TET3: variants seen among roughly 807,000 people sequenced by gnomAD.
TET3 encodes the protein tet methylcytosine dioxygenase 3, also known as methylcytosine dioxygenase TET3.
Under a neutral mutation model 141.4 loss-of-function variants are expected in TET3, and 19 were observed. The observed-to-expected ratio is 0.13, with a 90% CI of 0.09 to 0.20. TET3 has a LOEUF of 0.20. Ranked by LOEUF, TET3 falls within the 10% of genes least tolerant of loss-of-function variation. The probability of loss-of-function intolerance (pLI) is 1.00; values close to 1 mark genes in which losing one functional copy is unlikely to be tolerated. For missense variants in TET3, 1,874 were observed against 2,356.9 expected (o/e 0.80, Z 4.24); for synonymous variants, 1,043 against 980.9 (o/e 1.06, Z -1.18).
the TET3 span, among the ~76,000 whole-genome samples, chr2:74,115,887 T>C: frequency 1.3e-5 from 2 of 151,716 alleles, no homozygotes; most frequent in African/African-American, 4.8e-5. Flanking sequence ...TGGTGGCACA[T>C]GCCTGTGGTA....
In TET3 at chr2:74,100,777, C is replaced by T. The variant is rs376905154; in HGVS notation, c.3989C>T (p.Pro1330Leu). Residue 1330 changes from proline (P) to leucine (L), a missense_variant, in exon 12 of 12, where the codon CCG becomes CTG. Physicochemically the swap from Pro to Leu is moderately conservative, Grantham distance 98. Coordinates refer to ENST00000409262, the MANE Select transcript of TET3 (RefSeq NM_001287491.2). The part of the protein sequence containing the change: ...DLHALHNSLS[P>L]AYGGAEFAEL... ...CACGCTCTGCACAACAGCCTGAGCC[C>T]GGCCTACGGTGGTGCTGAGTTTGCC... 1.2e-5 allele frequency: 20 copies of T among 1,613,018 alleles called. 1 individual carries two copies. Among genetic ancestry groups the T allele is most frequent in the Middle Eastern group, 3.3e-4 (2 of 6,084 alleles).
At chr2:74,060,226 C>T (rs1161963095) in intron 4 of TET3, among the ~76,000 whole-genome samples, 5 of 152,174 alleles carry the variant, frequency 3.3e-5, no homozygotes, top group African/African-American at 1.2e-4. Context: ...ATTTGAATTT[C>T]CCTGATGCCT....
intron 3 of TET3, among the ~76,000 whole-genome samples, chr2:74,033,821 C>A (rs76109529): frequency 0.013 from 1,925 of 152,280 alleles, 41 homozygotes; most frequent in African/African-American, 0.044. Context: ...TGTGGCTGGG[C>A]ACGGTGGCTC....
chr2:74,036,741 G>A (rs1357303326), intron 3 of TET3, among the ~76,000 whole-genome samples: 3 of 152,230 alleles, frequency 2.0e-5, no homozygotes, highest in Non-Finnish European at 4.4e-5. Flanking sequence ...TTCCATCAGA[G>A]TCACGTAGAG....
rs566217278 is a variant in TET3, at chr2:73,984,921, A to C, written c.-661A>C. On this transcript the variant is annotated 5_prime_UTR_variant, in exon 1 of 12. Transcript: ENST00000409262. This position sits in a 1 kb window ranked among gnomAD's most constrained non-coding sequence, Gnocchi z 5.6. ...GCGCGGGGGGCGGGGAGTCCCGCGG[A>C]CGCCTTCATTGCTGCTGCTGCTGCC... Among the ~76,000 whole-genome samples the C allele has an allele frequency of 6.9e-6, 1 of 144,344 alleles. No homozygotes were observed. The highest frequency in any genetic ancestry group is 2.1e-4 in the East Asian group (1 of 4,802). The allele number at this position is 144,344 out of a possible 152,430, so 94.7% of individuals were successfully genotyped here.
At chr2:74,019,818 A>T (rs1447294482) in intron 3 of TET3, among the ~76,000 whole-genome samples, 1 of 152,200 alleles carries the variant, frequency 6.6e-6, no homozygotes, top group African/African-American at 2.4e-5. Context: ...TGCAGACATC[A>T]GGGAGGAGCC....
At chr2:74,018,469 T>TTCTAACA (rs1211857393) in intron 3 of TET3, among the ~76,000 whole-genome samples, 8 of 152,210 alleles carry the variant, frequency 5.3e-5, no homozygotes, top group African/African-American at 1.9e-4. Flanking sequence ...ATGTTCAGAT[T>TTCTAACA]TCTAAGGTGA....
chr2:74,024,611 G>A (rs188645079), intron 3 of TET3, among the ~76,000 whole-genome samples: 1 of 152,082 alleles, frequency 6.6e-6, no homozygotes, highest in Admixed American at 6.6e-5. Context: ...TTAAGTCAGA[G>A]AACTTGAGTT....
chr2:74,061,720 A>G (rs1444210186), intron 4 of TET3, among the ~76,000 whole-genome samples: 1 of 134,868 alleles, frequency 7.4e-6, no homozygotes, highest in Non-Finnish European at 1.6e-5. Flanking sequence ...TGCCGGGCGG[A>G]GGGGCTCCTC....
intron 3 of TET3, among the ~76,000 whole-genome samples, chr2:74,007,901 G>A (rs570825836): frequency 2.6e-5 from 4 of 152,284 alleles, no homozygotes; most frequent in African/African-American, 4.8e-5. Context: ...GCTGCTGCAC[G>A]TGTGGCTCAG....
the TET3 span, among the ~76,000 whole-genome samples, chr2:74,125,019 T>C: frequency 6.6e-6 from 1 of 151,682 alleles, no homozygotes; most frequent in Non-Finnish European, 1.5e-5. Flanking sequence ...TTTTCTTTTT[T>C]TTTTTGAGAT....
intron 3 of TET3, among the ~76,000 whole-genome samples, chr2:74,004,331 C>T (rs1685038185): frequency 6.6e-6 from 1 of 152,170 alleles, no homozygotes; most frequent in African/African-American, 2.4e-5. Context: ...TCTTCCCGCC[C>T]CCTGGGAAAG....
chr2:74,122,670 C>T, the TET3 span, among the ~76,000 whole-genome samples: 2,183 of 134,386 alleles, frequency 0.016, 26 homozygotes, highest in Middle Eastern at 0.038. Context: ...TGTGCCACTA[C>T]ACCTAGCTTT....
At chr2:74,018,604 A>T (rs1685859307) in intron 3 of TET3, among the ~76,000 whole-genome samples, 1 of 152,128 alleles carries the variant, frequency 6.6e-6, no homozygotes, top group Admixed American at 6.5e-5. Flanking sequence ...TACCTTAAGC[A>T]TTTCATAAGT....
chr2:74,064,541 A>G (rs1688771346), intron 4 of TET3, among the ~76,000 whole-genome samples: 1 of 152,152 alleles, frequency 6.6e-6, no homozygotes, highest in South Asian at 2.1e-4. Flanking sequence ...CTGGGACTAC[A>G]GGCGTGCGTG....
At position 74,046,677 on chromosome 2, in the gene TET3, G is replaced by C. The variant is rs748489591; in HGVS notation, c.760G>C (p.Asp254His). ...EGCSAGSEDLDTLQTALALAR... is the reference protein window; with the variant it reads ...EGCSAGSEDLHTLQTALALAR... ...CTGCTCTGCTGGCAGCGAAGACCTT[G>C]ACACACTGCAGACGGCCCTGGCCCT... Residue 254 changes from aspartate to histidine, a missense_variant, in exon 4 of 12, where the codon GAC becomes CAC. Asp to His is a moderately conservative substitution (Grantham distance 81, BLOSUM62 -1). Transcript: ENST00000409262. This position sits in a 1 kb window ranked among gnomAD's most constrained non-coding sequence, Gnocchi z 4.3. The C allele has an allele frequency of 1.1e-5, 18 of 1,613,922 alleles. No individual in the cohort carries two copies. The African/African-American group carries it at 2.4e-4, about 22-fold the overall frequency.
At chr2:74,099,806 T>A (rs904660460) in intron 11 of TET3, among the ~76,000 whole-genome samples, 194 bp downstream of exon 11, 6 of 152,172 alleles carry the variant, frequency 3.9e-5, no homozygotes, top group African/African-American at 1.4e-4. Flanking sequence ...GGACTTGTTA[T>A]CTGCGTGGAA....
At chr2:74,059,309 G>C (rs1573813830) in intron 4 of TET3, among the ~76,000 whole-genome samples, 1 of 152,198 alleles carries the variant, frequency 6.6e-6, no homozygotes, top group East Asian at 1.9e-4. Context: ...CTGGAACATA[G>C]TGATGCAATA....
rs1243690867 is a variant in TET3, at chr2:73,991,848, C to CA, written c.303+5143dup. Among the ~76,000 whole-genome samples, 4 of 141,360 alleles carry CA rather than the reference C, an allele frequency of 2.8e-5. No homozygotes were observed. In the Admixed American group the frequency reaches 2.9e-4, roughly 10 times the overall value. 92.7% of individuals were successfully genotyped at this position (141,360 alleles called of 152,430 possible). ...AAAAAAGAAGGAAACGCTGATAGAA[C>CA]AGTCATGAATGATAGCTTCAGGAGA... On this transcript the variant is annotated intron_variant, in intron 2 of 11. Coordinates refer to ENST00000409262, the MANE Select transcript of TET3 (RefSeq NM_001287491.2).
Sources: allele counts gnomAD v4.1 joint callset (sites outside exome capture counted in the v4.1 genomes callset), GRCh38; gene constraint gnomAD v4.1.1; non-coding constraint Gnocchi (gnomAD v3.1); transcripts MANE v1.5; gene names NCBI Gene and HGNC (gene_info 2026-07-23, HGNC 2026-07-21).